The following DLGAP2 variants were observed in gnomAD, a reference collection of about 807,000 sequenced individuals.
DLGAP2 encodes DLG associated protein 2.
DLGAP2 carries 26 observed loss-of-function variants against 100.3 expected under a neutral mutation model. The observed-to-expected ratio is 0.26, with a 90% CI of 0.19 to 0.36. DLGAP2 has a LOEUF of 0.36. Among genes scored for constraint, DLGAP2 ranks in the 10% least tolerant of loss-of-function variants. The probability of loss-of-function intolerance (pLI) is 1.00; values close to 1 mark genes in which losing one functional copy is unlikely to be tolerated. For synonymous variants in DLGAP2, 886 were observed against 630.1 expected, an observed-to-expected ratio of 1.41 and a Z score of -6.08; for missense variants, 1,858 against 1,453.2, an observed-to-expected ratio of 1.28 and a Z score of -4.53.
At chr8:1,146,399 G>A (rs765997312) in intron 2 of DLGAP2, among the ~76,000 whole-genome samples, 2 of 152,190 alleles carry the variant, frequency 1.3e-5, no homozygotes, top group African/African-American at 4.8e-5. Flanking sequence ...TGCTCTGTGG[G>A]ACATCTTTTC....
intron 2 of DLGAP2, among the ~76,000 whole-genome samples, chr8:1,003,851 C>T (rs10081473): frequency 1.3e-5 from 2 of 152,212 alleles, no homozygotes; most frequent in African/African-American, 2.4e-5. Context: ...ACATGACATT[C>T]TATCAAGAGA....
chr8:1,185,412 C>T (rs1432463760), intron 2 of DLGAP2, among the ~76,000 whole-genome samples: 1 of 151,996 alleles, frequency 6.6e-6, no homozygotes, highest in Non-Finnish European at 1.5e-5. Flanking sequence ...ACCCCTAAGG[C>T]CGGTCAGCTT....
At chr8:870,638 G>A (rs1051997164) in intron 1 of DLGAP2, among the ~76,000 whole-genome samples, 19 of 152,024 alleles carry the variant, frequency 1.2e-4, no homozygotes, top group African/African-American at 4.4e-4. Flanking sequence ...TCCTTCCTGT[G>A]GCCATGGCCC....
chr8:1,552,250 G>A (rs924996061), intron 5 of DLGAP2, among the ~76,000 whole-genome samples: 2 of 152,234 alleles, frequency 1.3e-5, no homozygotes, highest in Non-Finnish European at 2.9e-5. Flanking sequence ...ATAGAAGGAC[G>A]TCTGCAGGGA....
chr8:1,041,380 G>T (rs112546773), intron 2 of DLGAP2, among the ~76,000 whole-genome samples: 2 of 152,150 alleles, frequency 1.3e-5, no homozygotes, highest in Non-Finnish European at 2.9e-5. Flanking sequence ...CATCCGTGTC[G>T]ACATCCGCCC....
intron 2 of DLGAP2, among the ~76,000 whole-genome samples, chr8:1,137,055 G>A (rs1033352797): frequency 1.3e-5 from 2 of 152,168 alleles, no homozygotes; most frequent in African/African-American, 4.8e-5. Context: ...TTATGTTCTT[G>A]CAGTTCTGGA....
chr8:908,002 T>C, intron 2 of DLGAP2, 36 bp downstream of exon 2: 1 of 398,936 alleles, frequency 2.5e-6, no homozygotes, highest in Admixed American at 4.4e-5. Context: ...TGGGATTATA[T>C]GTTTCGTATC....
rs550250216 is a variant in DLGAP2, at chr8:1,482,809, G to A, written c.107-18557G>A. ...CGTGCGTGGATGTGGGGATGGGCGT[G>A]GGACCCTCGTTCGGGGCATCAGGCT... On this transcript the variant is annotated intron_variant, in intron 3 of 14. Coordinates refer to ENST00000637795, the MANE Select transcript of DLGAP2 (RefSeq NM_001346810.2). Among the ~76,000 whole-genome samples the A allele has an allele frequency of 4.6e-5, 7 of 152,370 alleles. No homozygotes were observed. The South Asian group carries it at 1.0e-3, about 23-fold the overall frequency.
At chr8:1,429,410 C>T (rs933933996) in intron 3 of DLGAP2, among the ~76,000 whole-genome samples, 1 of 152,144 alleles carries the variant, frequency 6.6e-6, no homozygotes, top group East Asian at 1.9e-4. Context: ...ACTGTGAGCT[C>T]ATGGGGTCCA....
intron 6 of DLGAP2, among the ~76,000 whole-genome samples, chr8:1,598,192 C>G (rs569977419): frequency 3.4e-4 from 52 of 152,336 alleles, no homozygotes; most frequent in African/African-American, 1.2e-3. Flanking sequence ...GTTGAACCAG[C>G]CTTGCATCCC....
chr8:1,591,307 C>G (rs10099652), intron 6 of DLGAP2, among the ~76,000 whole-genome samples: 7 of 152,196 alleles, frequency 4.6e-5, no homozygotes, highest in Non-Finnish European at 8.8e-5. Context: ...CTCCCTCTTC[C>G]TAACGCTGGC....
At chr8:934,694 C>T (rs981781548) in intron 2 of DLGAP2, among the ~76,000 whole-genome samples, 1 of 152,076 alleles carries the variant, frequency 6.6e-6, no homozygotes, top group Non-Finnish European at 1.5e-5. Context: ...CATGCTCGCT[C>T]ATGCTCATGA....
intron 6 of DLGAP2, among the ~76,000 whole-genome samples, chr8:1,601,945 G>GGGGTGTGTGTGT (rs1554506577): frequency 6.8e-6 from 1 of 146,348 alleles, no homozygotes; most frequent in Non-Finnish European, 1.5e-5. Flanking sequence ...AATTTAACAG[G>GGGGTGTGTGTGT]GTGTGTGTGT....
intron 2 of DLGAP2, among the ~76,000 whole-genome samples, chr8:1,047,724 T>A (rs1341591690): frequency 6.6e-6 from 1 of 152,030 alleles, no homozygotes; most frequent in African/African-American, 2.4e-5. Context: ...CCTTTTTTTT[T>A]AAGGACTCTA....
At chr8:761,068 C>T (rs925087962) in intron 1 of DLGAP2, among the ~76,000 whole-genome samples, 8 of 152,302 alleles carry the variant, frequency 5.3e-5, no homozygotes, top group Middle Eastern at 3.4e-3. Flanking sequence ...CTGTGCCGGG[C>T]GCCGTTCTGA....
At chr8:1,362,553 C>G (rs1266026017) in intron 3 of DLGAP2, among the ~76,000 whole-genome samples, 8 of 152,124 alleles carry the variant, frequency 5.3e-5, no homozygotes, top group Non-Finnish European at 1.0e-4. Flanking sequence ...TAACCATGGT[C>G]TAGCCCTGAT....
intron 4 of DLGAP2, among the ~76,000 whole-genome samples, chr8:1,503,320 G>A (rs978290326): frequency 6.6e-6 from 1 of 151,416 alleles, no homozygotes; most frequent in African/African-American, 2.5e-5. Context: ...CCCCCATTCT[G>A]CTTTCTGTCT....
chr8:1,348,625 T>A (rs1057018063), intron 3 of DLGAP2, among the ~76,000 whole-genome samples: 10 of 152,042 alleles, frequency 6.6e-5, no homozygotes, highest in African/African-American at 2.4e-4. Context: ...TGTGTGGAGG[T>A]TGAGTTCCCA....
At chr8:1,034,386 G>A (rs1410046675) in intron 2 of DLGAP2, among the ~76,000 whole-genome samples, 2 of 8,562 alleles carry the variant, frequency 2.3e-4, no homozygotes, top group African/African-American at 9.9e-4. Flanking sequence ...GCGTGTCACC[G>A]CGAGTGGGTT....
Sources: gnomAD v4.1 joint callset for allele counts (sites outside exome capture counted in the v4.1 genomes callset) on GRCh38, gnomAD v4.1.1 for gene constraint, MANE v1.5 for transcripts, NCBI Gene and HGNC (gene_info 2026-07-23, HGNC 2026-07-21) for gene names.